RAD51B: variants seen among roughly 807,000 people sequenced by gnomAD.
RAD51B encodes the protein RAD51 paralog B.
Under a neutral mutation model 42.2 loss-of-function variants are expected in RAD51B, and 38 were observed. The ratio of observed to expected loss-of-function variants is 0.90; its 90% CI spans 0.70 to 1.18. RAD51B has a LOEUF of 1.18. RAD51B is among the 50% of genes most tolerant of loss of function. RAD51B has a pLI of 0.00. For missense variants in RAD51B, 373 were observed against 400.7 expected, an observed-to-expected ratio of 0.93 and a Z score of 0.59; for synonymous variants, 154 against 145.2, an observed-to-expected ratio of 1.06 and a Z score of -0.43.
chr14:68,072,531 C>A (rs985387095), intron 7 of RAD51B, among the ~76,000 whole-genome samples: 1 of 152,036 alleles, frequency 6.6e-6, no homozygotes, highest in Non-Finnish European at 1.5e-5. Context: ...GGTGCCCATG[C>A]GATTAAGAGT....
intron 9 of RAD51B, among the ~76,000 whole-genome samples, chr14:68,433,289 G>GACAAATGAGAGGAGGGT (rs1481326315): frequency 6.6e-6 from 1 of 152,106 alleles, no homozygotes; most frequent in African/African-American, 2.4e-5. Flanking sequence ...ATTGAATGTT[G>GACAAATGAGAGGAGGGT]GCCTGCCTTG....
chr14:68,250,435 A>C (rs1188856083), intron 7 of RAD51B, among the ~76,000 whole-genome samples: 1 of 152,224 alleles, frequency 6.6e-6, no homozygotes, highest in Non-Finnish European at 1.5e-5. Flanking sequence ...TCTTACTATA[A>C]TGCCTGAGAT....
intron 1 of RAD51B, among the ~76,000 whole-genome samples, chr14:67,820,975 T>C (rs565592461): frequency 6.6e-6 from 1 of 152,302 alleles, no homozygotes; most frequent in African/African-American, 2.4e-5. Context: ...GAGGGACCAA[T>C]TTTTGATGTT....
intron 10 of RAD51B, among the ~76,000 whole-genome samples, chr14:68,546,654 AAAAAT>A (rs1888250897): frequency 6.6e-6 from 1 of 152,236 alleles, no homozygotes; most frequent in Non-Finnish European, 1.5e-5. Flanking sequence ...AGTTGAAAGA[AAAAAT>A]AGAAGCCCCA....
intron 10 of RAD51B, chr14:68,470,757 G>T (rs1222723887): frequency 4.7e-6 from 2 of 423,316 alleles, no homozygotes; most frequent in Non-Finnish European, 8.9e-6. Context: ...TTATGAGTTT[G>T]TGTGGGGGCT....
Position 67,885,932 on chromosome 14 carries a change from G to C in RAD51B, c.516G>C (p.Leu172Phe). The change falls in exon 6 of 11, where the codon TTG becomes TTC. Residue 172 changes from leucine (L) to phenylalanine (F), a missense_variant. Physicochemically the swap from Leu to Phe is conservative, Grantham distance 22. Coordinates refer to ENST00000471583, the MANE Select transcript of RAD51B (RefSeq NM_133510.4). Reference sequence around the variant, plus strand: ...TTAACACTGAAGAAAAGTTACTTTTGACAAGTAGTAAAGTTCATCTTTATC... The same window carrying C: ...TTAACACTGAAGAAAAGTTACTTTTCACAAGTAGTAAAGTTCATCTTTATC... ...RYFNTEEKLL[L>F]TSSKVHLYRE... 6.2e-7 allele frequency: 1 copy of C among 1,606,360 alleles called. No individual in the cohort carries two copies.
intron 10 of RAD51B, chr14:68,468,622 G>C (rs1038081033): frequency 8.7e-6 from 3 of 345,038 alleles, no homozygotes; most frequent in African/African-American, 2.1e-5. Context: ...TGCTGCCCCA[G>C]AGCCTTCTTG....
intron 7 of RAD51B, among the ~76,000 whole-genome samples, chr14:68,107,150 G>A (rs899251540): frequency 6.6e-6 from 1 of 151,776 alleles, no homozygotes; most frequent in African/African-American, 2.4e-5. Context: ...ACACAGTTAA[G>A]CTGACAGGGA....
intron 7 of RAD51B, among the ~76,000 whole-genome samples, chr14:67,946,840 C>G (rs1001449234): frequency 6.6e-6 from 1 of 152,114 alleles, no homozygotes; most frequent in Non-Finnish European, 1.5e-5. Flanking sequence ...CATATGTTCT[C>G]CTGAGGAACA....
chr14:68,135,657 T>G (rs1427818334), intron 7 of RAD51B, among the ~76,000 whole-genome samples: 2 of 152,156 alleles, frequency 1.3e-5, no homozygotes, highest in African/African-American at 4.8e-5. Flanking sequence ...TCTTCCTCAT[T>G]CATCCAAAAC....
chr14:68,160,804 C>T (rs2078621999), intron 7 of RAD51B, among the ~76,000 whole-genome samples: 1 of 152,118 alleles, frequency 6.6e-6, no homozygotes, highest in South Asian at 2.1e-4. Context: ...ATAAGCAAAC[C>T]CATACTATTG....
intron 7 of RAD51B, among the ~76,000 whole-genome samples, chr14:68,046,228 A>G (rs1307870975): frequency 1.3e-5 from 2 of 152,122 alleles, no homozygotes; most frequent in East Asian, 1.9e-4. Flanking sequence ...GGCTCAAGCA[A>G]TCCTCTCACT....
intron 8 of RAD51B, among the ~76,000 whole-genome samples, chr14:68,390,586 C>A (rs1023993263): frequency 1.1e-4 from 16 of 152,120 alleles, no homozygotes; most frequent in Non-Finnish European, 1.8e-4. Context: ...GGAGACAGAC[C>A]AGCATTGAAT....
At chr14:68,559,101 A>G (rs892585247) in intron 10 of RAD51B, among the ~76,000 whole-genome samples, 12 of 151,724 alleles carry the variant, frequency 7.9e-5, no homozygotes, top group African/African-American at 2.2e-4. Context: ...GTATTGATAT[A>G]GTGTTATATA....
At chr14:68,236,844 G>T (rs986786878) in intron 7 of RAD51B, among the ~76,000 whole-genome samples, 2 of 152,160 alleles carry the variant, frequency 1.3e-5, no homozygotes, top group Non-Finnish European at 2.9e-5. Context: ...CCAAATGACT[G>T]TTGGCTCCTC....
chr14:68,341,927 T>C (rs981305224), intron 8 of RAD51B, among the ~76,000 whole-genome samples: 1 of 152,148 alleles, frequency 6.6e-6, no homozygotes, highest in Non-Finnish European at 1.5e-5. Flanking sequence ...TTTCACATCC[T>C]GTGGCAAACA....
chr14:68,006,461 T>C (rs2075593808), intron 7 of RAD51B, among the ~76,000 whole-genome samples: 1 of 152,136 alleles, frequency 6.6e-6, no homozygotes, highest in Non-Finnish European at 1.5e-5. Context: ...TGGTATCCTT[T>C]CAATTATTCT....
chr14:68,648,212 G>A (rs1892624244), intron 10 of RAD51B, among the ~76,000 whole-genome samples: 3 of 145,862 alleles, frequency 2.1e-5, no homozygotes. Flanking sequence ...GAACCCGCAT[G>A]TGTGTGAGTA....
At chr14:68,212,345 T>A (rs1018119587) in intron 7 of RAD51B, among the ~76,000 whole-genome samples, 4 of 152,234 alleles carry the variant, frequency 2.6e-5, no homozygotes, top group African/African-American at 9.6e-5. Context: ...TACACTGACC[T>A]CAGAGGGCTG....
Sources: gnomAD v4.1 joint callset for allele counts (sites outside exome capture counted in the v4.1 genomes callset) on GRCh38, gnomAD v4.1.1 for gene constraint, MANE v1.5 for transcripts, NCBI Gene and HGNC (gene_info 2026-07-23, HGNC 2026-07-21) for gene names.